CUL5: variants seen among roughly 807,000 people sequenced by gnomAD.
The protein encoded by CUL5 is cullin-5.
A neutral mutation model predicts 108.8 loss-of-function variants in CUL5; 26 were observed. That is an observed-to-expected ratio of 0.24 (90% CI 0.18 to 0.33). The LOEUF is 0.33. Ranked by LOEUF, CUL5 falls within the 10% of genes least tolerant of loss-of-function variation. The pLI is 1.00. For synonymous variants in CUL5, 334 were observed against 298.0 expected (o/e 1.12, Z -1.25); for missense variants, 524 against 909.2 (o/e 0.58, Z 5.45).
chr11:108,095,259 C>G (rs553374612), intron 15 of CUL5, among the ~76,000 whole-genome samples: 1 of 152,144 alleles, frequency 6.6e-6, no homozygotes, highest in South Asian at 2.1e-4. Context: ...GTAGCTTACA[C>G]CTTTCATTAG....
At chr11:108,056,557 A>G (rs995943226) in intron 7 of CUL5, among the ~76,000 whole-genome samples, 15 of 152,172 alleles carry the variant, frequency 9.9e-5, no homozygotes, top group Admixed American at 7.2e-4. Flanking sequence ...GTGGTTATTT[A>G]TAGAAGTTCT....
intron 1 of CUL5, among the ~76,000 whole-genome samples, chr11:108,025,699 A>G (rs1862435418): frequency 1.3e-5 from 2 of 151,888 alleles, no homozygotes; most frequent in South Asian, 4.2e-4. Flanking sequence ...CCAGTCTCTT[A>G]CAGTTTTCTC....
intron 13 of CUL5, among the ~76,000 whole-genome samples, chr11:108,094,090 A>C (rs1397510069): frequency 6.6e-6 from 1 of 152,218 alleles, no homozygotes; most frequent in Non-Finnish European, 1.5e-5. Flanking sequence ...TCATGCAGTT[A>C]AATTTATTAT....
At position 108,022,259 on chromosome 11, in the gene CUL5, A is replaced by G. The variant is rs139182529; in HGVS notation, c.25-11543A>G. On this transcript the variant is annotated intron_variant, in intron 1 of 18. Coordinates refer to ENST00000393094, the MANE Select transcript of CUL5 (RefSeq NM_003478.6). ...GTTTTCGGGGCGAACCAGTAGGTCAACATTTGTATTATTTTGTTGTAAAGT... is the reference window on the plus strand; with the variant it reads ...GTTTTCGGGGCGAACCAGTAGGTCAGCATTTGTATTATTTTGTTGTAAAGT... Among the ~76,000 whole-genome samples, 674 of 152,324 alleles carry G rather than the reference A, an allele frequency of 4.4e-3. 5 individuals carry two copies. Among genetic ancestry groups the G allele is most frequent in the Non-Finnish European group, 7.6e-3 (520 of 68,030 alleles).
chr11:108,081,739 G>A (rs1053983479), intron 11 of CUL5, among the ~76,000 whole-genome samples: 2 of 152,152 alleles, frequency 1.3e-5, no homozygotes, highest in Non-Finnish European at 2.9e-5. Context: ...GTGAGAGTGC[G>A]AGTCTCCGTC....
chr11:108,104,389 G>T lies in CUL5; in HGVS notation c.*5G>T. On this transcript the variant is annotated 3_prime_UTR_variant, in exon 19 of 19. Coordinates refer to ENST00000393094, the MANE Select transcript of CUL5 (RefSeq NM_003478.6). ...ACTTTCATATATATGGCATAATTTT[G>T]AATATCATGGACAATATTTAGAACC... 1 of 1,516,164 alleles carries T rather than the reference G, an allele frequency of 6.6e-7. No homozygotes were observed. Among genetic ancestry groups the T allele is most frequent in the Admixed American group, 2.4e-5 (1 of 41,546 alleles). 93.9% of individuals were successfully genotyped at this position (1,516,164 alleles called of 1,614,324 possible). A position where few individuals can be genotyped will look rare whatever the true frequency, so the allele number is the denominator to read the frequency against.
At chr11:108,098,913 T>C (rs1365978841) in intron 18 of CUL5, among the ~76,000 whole-genome samples, 1 of 152,126 alleles carries the variant, frequency 6.6e-6, no homozygotes, top group Non-Finnish European at 1.5e-5. Context: ...CTACACATGA[T>C]TGTTTTAATT....
At chr11:108,072,115 G>A (rs1002311009) in intron 8 of CUL5, among the ~76,000 whole-genome samples, 3 of 152,094 alleles carry the variant, frequency 2.0e-5, no homozygotes, top group Non-Finnish European at 2.9e-5. Flanking sequence ...AGAGGTCAAG[G>A]CTGCAGTGAG....
chr11:108,012,574 A>G (rs1219922539), intron 1 of CUL5, among the ~76,000 whole-genome samples: 2 of 149,448 alleles, frequency 1.3e-5, no homozygotes, highest in Non-Finnish European at 3.0e-5. Flanking sequence ...CCTATAAGAA[A>G]GTTCATATGT....
chr11:108,056,184 AATCTAGTTGGG>A (rs1360431635), intron 7 of CUL5, among the ~76,000 whole-genome samples: 2 of 152,208 alleles, frequency 1.3e-5, no homozygotes, highest in African/African-American at 4.8e-5. Context: ...GGAAAGTTAG[AATCTAGTTGGG>A]ACAGTCTTGG....
chr11:108,102,071 G>C (rs1343109360), intron 18 of CUL5, among the ~76,000 whole-genome samples: 2 of 151,980 alleles, frequency 1.3e-5, no homozygotes, highest in Non-Finnish European at 2.9e-5. Flanking sequence ...GCCCAGGCTG[G>C]GGTGCAATGG....
At chr11:108,099,324 T>C (rs910062645) in intron 18 of CUL5, among the ~76,000 whole-genome samples, 1 of 152,076 alleles carries the variant, frequency 6.6e-6, no homozygotes, top group African/African-American at 2.4e-5. Context: ...TTTTAAAATA[T>C]AAAACAAGAC....
intron 5 of CUL5, among the ~76,000 whole-genome samples, chr11:108,054,011 A>G (rs1414926919): frequency 6.6e-6 from 1 of 151,890 alleles, no homozygotes; most frequent in African/African-American, 2.4e-5. Context: ...ACTCCCAGCT[A>G]ATGTTTGTAT....
At chr11:108,048,646 AC>A (rs1863126303) in intron 3 of CUL5, among the ~76,000 whole-genome samples, 2 of 105,782 alleles carry the variant, frequency 1.9e-5, no homozygotes, top group African/African-American at 9.1e-5. Flanking sequence ...AGACTCCACC[AC>A]CTTTTTTTTT....
At chr11:108,088,414 T>TGATCAC in intron 11 of CUL5, 113 bp from the exon 12 acceptor site, 1 of 1,196,314 alleles carries the variant, frequency 8.4e-7, no homozygotes, top group Non-Finnish European at 1.2e-6. Context: ...GTTCCAAACC[T>TGATCAC]GATCACTAGA....
chr11:108,098,461 C>G lies in CUL5; in HGVS notation c.2080C>G (p.Leu694Val). 1 of 1,604,938 alleles carries G rather than the reference C, an allele frequency of 6.2e-7. No individual in the cohort carries two copies. The highest frequency in any genetic ancestry group is 8.5e-7 in the Non-Finnish European group (1 of 1,175,984). ...AATCAACTTGATTGGACGTTTGCAG[C>G]TCACTACAGAAAGGATGAGAGAAGA... is the stretch of plus-strand genomic sequence containing the variant. ...GKINLIGRLQ[L>V]TTERMREEEN... The change falls in exon 18 of 19, where the codon CTC becomes GTC. Residue 694 changes from leucine to valine, a missense_variant. Around this residue, in one of 8 missense-constraint regions of CUL5, gnomAD observed 66 missense variants for 81.4 expected, o/e 0.81. Transcript: ENST00000393094.
chr11:108,014,717 A>T (rs1202974910), intron 1 of CUL5, among the ~76,000 whole-genome samples: 1 of 152,174 alleles, frequency 6.6e-6, no homozygotes, highest in East Asian at 1.9e-4. Context: ...TCCTAATTCT[A>T]ACTAGATAAT....
intron 11 of CUL5, among the ~76,000 whole-genome samples, chr11:108,084,443 A>C (rs1240584391): frequency 6.6e-6 from 1 of 152,206 alleles, no homozygotes; most frequent in African/African-American, 2.4e-5. Flanking sequence ...GGACTGGAGT[A>C]ACAAAACCCA....
At chr11:108,072,070 T>C (rs1863838722) in intron 8 of CUL5, among the ~76,000 whole-genome samples, 1 of 151,948 alleles carries the variant, frequency 6.6e-6, no homozygotes, top group Admixed American at 6.6e-5. Context: ...TCCCAGCTAC[T>C]CAGGAGGCTG....
Sources: allele counts gnomAD v4.1 joint callset (sites outside exome capture counted in the v4.1 genomes callset), GRCh38; gene constraint gnomAD v4.1.1; regional missense constraint gnomAD v4.1.1; transcripts MANE v1.5; gene names NCBI Gene and HGNC (gene_info 2026-07-23, HGNC 2026-07-21).